The following CSMD2 variants were observed in gnomAD, a reference collection of about 807,000 sequenced individuals.
The protein encoded by CSMD2 is CUB and sushi domain-containing protein 2.
In CSMD2, 130 loss-of-function variants were observed where a neutral mutation model predicts 398.5. The ratio of observed to expected loss-of-function variants is 0.33; its 90% confidence interval spans 0.28 to 0.38. CSMD2 has a LOEUF of 0.38. CSMD2 is among the 10% of genes least tolerant of loss of function. The pLI, the probability that CSMD2 is intolerant of heterozygous loss-of-function variation, is 1.00. For missense variants in CSMD2, 3,829 were observed against 4,764.9 expected, an observed-to-expected ratio of 0.80 and a Z score of 5.78; for synonymous variants, 1,828 against 1,908.5, an observed-to-expected ratio of 0.96 and a Z score of 1.10.
At chr1:34,024,623 C>T (rs1295056877) in intron 3 of CSMD2, among the ~76,000 whole-genome samples, 1 of 152,188 alleles carries the variant, frequency 6.6e-6, no homozygotes, top group Non-Finnish European at 1.5e-5. Context: ...CTCCAACTCC[C>T]AAGGCAGAGC....
chr1:33,947,733 C>T (rs1044928632), intron 3 of CSMD2, among the ~76,000 whole-genome samples: 4 of 152,188 alleles, frequency 2.6e-5, no homozygotes, highest in Non-Finnish European at 5.9e-5. Context: ...CTTGAGTTCC[C>T]GTAGGGTGTC....
chr1:34,111,871 C>G (rs756431194), intron 1 of CSMD2, among the ~76,000 whole-genome samples: 8 of 151,886 alleles, frequency 5.3e-5, no homozygotes, highest in Non-Finnish European at 1.2e-4. Context: ...AAGCTTTTCT[C>G]AACTAGACAC....
intron 62 of CSMD2, among the ~76,000 whole-genome samples, chr1:33,534,411 T>C (rs1043125076): frequency 2.0e-5 from 3 of 152,236 alleles, no homozygotes; most frequent in African/African-American, 4.8e-5. Flanking sequence ...TCTTTAAGGA[T>C]GGGAGACTTG....
chr1:34,081,550 C>CT (rs1222788086), intron 2 of CSMD2, among the ~76,000 whole-genome samples: 3 of 152,330 alleles, frequency 2.0e-5, no homozygotes, highest in East Asian at 1.9e-4. Flanking sequence ...TGCCGAGTGC[C>CT]TGGGATCGCA....
chr1:33,553,864 T>C (rs976961171), intron 55 of CSMD2, among the ~76,000 whole-genome samples: 1 of 152,116 alleles, frequency 6.6e-6, no homozygotes, highest in African/African-American at 2.4e-5. Flanking sequence ...CCACCTACCA[T>C]GGAAGGTAGG....
intron 22 of CSMD2, among the ~76,000 whole-genome samples, chr1:33,701,071 T>A (rs1041333862): frequency 6.6e-6 from 1 of 152,204 alleles, no homozygotes; most frequent in African/African-American, 2.4e-5. Flanking sequence ...CTGAAAGCAT[T>A]CATCTCTACA....
At position 34,159,339 on chromosome 1, in the gene CSMD2, AC is replaced by A. The variant is rs764781447; in HGVS notation, c.187+5571del. ...TGACTTTACAGCCTGCCCCCCCCCC[AC>A]CCAGGAGCTTGTGGTGGAAAGGAAT... On this transcript the variant is annotated intron_variant, in intron 1 of 70. Transcript: ENST00000373381. Among the ~76,000 whole-genome samples, 4 of 80,922 alleles carry A rather than the reference AC, an allele frequency of 4.9e-5. No individual in the cohort carries two copies. The South Asian group carries it at 1.1e-3, about 23-fold the overall frequency. 53.1% of individuals were successfully genotyped at this position (80,922 alleles called of 152,430 possible).
intron 2 of CSMD2, among the ~76,000 whole-genome samples, chr1:34,041,433 G>A (rs559256516): frequency 6.6e-6 from 1 of 152,348 alleles, no homozygotes; most frequent in South Asian, 2.1e-4. Context: ...GGGACTCAAA[G>A]TCAAATTGTT....
At chr1:33,576,761 G>A (rs2148711551) in intron 49 of CSMD2, among the ~76,000 whole-genome samples, 1 of 150,806 alleles carries the variant, frequency 6.6e-6, no homozygotes, top group East Asian at 1.9e-4. Context: ...GTGATCTCAG[G>A]TTTATTGTTC....
rs112467328 is a variant in CSMD2, at chr1:33,688,326, T to C, written c.4052+4604A>G. Among the ~76,000 whole-genome samples the C allele has an allele frequency of 3.9e-3, 595 of 152,318 alleles. 2 individuals carry two copies. The highest frequency in any genetic ancestry group is 0.014 in the African/African-American group (567 of 41,578). On this transcript the variant is annotated intron_variant, in intron 25 of 70. Transcript: ENST00000373381. ...AGAAAACAAGCTACTAAGCCATGCA[T>C]GTGGATGAACTTGGTTTAGAAACAT...
Position 33,624,689 on chromosome 1 carries a change from G to C in CSMD2, c.5501-46C>G. On this transcript the variant is annotated intron_variant, in intron 34 of 70. Coordinates refer to ENST00000373381, the MANE Select transcript of CSMD2 (RefSeq NM_001281956.2). The surrounding 1 kb of genome is among the most constrained non-coding windows in gnomAD (Gnocchi z 4.7). ...GTCAGAGGCTTTGTGGCCTCCCGTG[G>C]GAGCCTTCCCAAGCTGACTCCTCCC... is the stretch of plus-strand genomic sequence containing the variant. The C allele has an allele frequency of 8.2e-6, 13 of 1,588,390 alleles. No homozygotes were observed. The highest frequency in any genetic ancestry group is 1.1e-5 in the Non-Finnish European group (13 of 1,162,540).
chr1:33,517,203 A>G, intron 70 of CSMD2, among the ~76,000 whole-genome samples: 1 of 152,190 alleles, frequency 6.6e-6, no homozygotes, highest in East Asian at 1.9e-4. Context: ...GTGTCTGTTC[A>G]GGGTGGCTCT....
At chr1:33,619,971 T>G (rs1641659857) in intron 37 of CSMD2, among the ~76,000 whole-genome samples, 1 of 152,118 alleles carries the variant, frequency 6.6e-6, no homozygotes, top group South Asian at 2.1e-4. Flanking sequence ...AAGACCTACT[T>G]ACTGTCCAGT....
At chr1:33,860,091 T>C (rs752580377) in intron 5 of CSMD2, among the ~76,000 whole-genome samples, 3 of 152,186 alleles carry the variant, frequency 2.0e-5, no homozygotes, top group Non-Finnish European at 2.9e-5. Flanking sequence ...AAATCAGCAA[T>C]GGTACAGTAC....
At chr1:33,986,602 T>C (rs1255441399) in intron 3 of CSMD2, among the ~76,000 whole-genome samples, 1 of 152,204 alleles carries the variant, frequency 6.6e-6, no homozygotes, top group African/African-American at 2.4e-5. Flanking sequence ...GACTGTTCCC[T>C]AATCCCAGTT....
intron 9 of CSMD2, 130 bp from the exon 10 acceptor site, chr1:33,810,994 G>T: frequency 9.9e-7 from 1 of 1,008,692 alleles, no homozygotes; most frequent in Non-Finnish European, 1.4e-6. Flanking sequence ...TCTGCTTCCT[G>T]GGTCCTTCCT....
chr1:33,744,311 A>ATGAT (rs1369831025), intron 13 of CSMD2, among the ~76,000 whole-genome samples: 2 of 152,202 alleles, frequency 1.3e-5, no homozygotes, highest in African/African-American at 4.8e-5. Flanking sequence ...TGATGGAAAA[A>ATGAT]TGATAGGTGT....
chr1:33,981,486 T>G (rs1381662438), intron 3 of CSMD2, among the ~76,000 whole-genome samples: 1 of 152,236 alleles, frequency 6.6e-6, no homozygotes, highest in Non-Finnish European at 1.5e-5. Context: ...GTATCTGACT[T>G]GTGCTAGGGG....
At chr1:33,764,251 T>C (rs1396861911) in intron 13 of CSMD2, among the ~76,000 whole-genome samples, 1 of 152,114 alleles carries the variant, frequency 6.6e-6, no homozygotes, top group Non-Finnish European at 1.5e-5. Context: ...GTCAGCTCTT[T>C]CAGCCCTGGA....
Sources: allele counts gnomAD v4.1 joint callset (sites outside exome capture counted in the v4.1 genomes callset), GRCh38; gene constraint gnomAD v4.1.1; non-coding constraint Gnocchi (gnomAD v3.1); transcripts MANE v1.5; gene names NCBI Gene and HGNC (gene_info 2026-07-23, HGNC 2026-07-21).